CYP3A43: variants seen among roughly 807,000 people sequenced by gnomAD.
CYP3A43 encodes cytochrome P450 family 3 subfamily A member 43.
CYP3A43 carries 45 observed loss-of-function variants against 58.0 expected under a neutral mutation model. The ratio of observed to expected loss-of-function variants is 0.78; its 90% CI spans 0.61 to 0.99. The LOEUF (loss-of-function observed/expected upper bound fraction) is 0.99. Ranked by LOEUF, CYP3A43 falls within the 50% of genes least tolerant of loss-of-function variation. The probability of loss-of-function intolerance (pLI) is 0.00; values close to 1 mark genes in which losing one functional copy is unlikely to be tolerated. For missense variants in CYP3A43, 593 were observed against 591.9 expected (o/e 1.00, Z -0.02); for synonymous variants, 191 against 201.4 (o/e 0.95, Z 0.44).
At chr7:99,836,358 C>A (rs1817076496) in intron 1 of CYP3A43, 95 bp from the exon 2 acceptor site, 2 of 914,874 alleles carry the variant, frequency 2.2e-6, no homozygotes, top group East Asian at 2.5e-5. Context: ...TTACCTCCCT[C>A]CCTTGAACAT....
At chr7:99,852,646 T>C (rs1285041044) in intron 7 of CYP3A43, among the ~76,000 whole-genome samples, 1 of 152,218 alleles carries the variant, frequency 6.6e-6, no homozygotes, top group African/African-American at 2.4e-5. Flanking sequence ...TGACCTTCTA[T>C]CTTCAAATAT....
chr7:99,847,743 G>A, intron 5 of CYP3A43, 142 bp downstream of exon 5: 1 of 1,319,644 alleles, frequency 7.6e-7, no homozygotes. Context: ...TGGGCACAGT[G>A]GCTCATGCCT....
chr7:99,864,030 A>T (rs1313708863), intron 12 of CYP3A43, among the ~76,000 whole-genome samples: 1 of 148,732 alleles, frequency 6.7e-6, no homozygotes, highest in Non-Finnish European at 1.5e-5. Context: ...AAGTGCAATG[A>T]TTACTTTGTC....
chr7:99,859,881 C>A lies in CYP3A43; in HGVS notation c.917C>A (p.Ala306Asp), dbSNP rs954491097. The A allele has an allele frequency of 2.5e-6, 4 of 1,614,126 alleles. No individual in the cohort carries two copies. The highest frequency in any genetic ancestry group is 3.4e-6 in the Non-Finnish European group (4 of 1,180,032). ...CAGTCAATTATCATCATTTTTGCTG[C>A]CTATGACACAACTAGCACCACTCTC... ...VAQSIIIIFA[A>D]YDTTSTTLPF... Residue 306 changes from alanine to aspartate, a missense_variant, in exon 10 of 13, where the codon GCC becomes GAC. Transcript: ENST00000354829.
intron 4 of CYP3A43, among the ~76,000 whole-genome samples, chr7:99,845,621 C>G (rs896469928): frequency 3.3e-5 from 5 of 152,100 alleles, no homozygotes; most frequent in African/African-American, 1.2e-4. Context: ...CACACCTAAC[C>G]TGCGCATCTG....
intron 7 of CYP3A43, among the ~76,000 whole-genome samples, chr7:99,851,450 C>T (rs1817756467): frequency 6.7e-6 from 1 of 149,126 alleles, no homozygotes; most frequent in Non-Finnish European, 1.5e-5. Flanking sequence ...TCTCTACATT[C>T]TTGCCAACAC....
chr7:99,847,737 C>T, intron 5 of CYP3A43, 136 bp downstream of exon 5: 1 of 1,357,232 alleles, frequency 7.4e-7, no homozygotes. Flanking sequence ...TTCAGCTGGG[C>T]ACAGTGGCTC....
At chr7:99,863,358 G>A (rs1348739313) in intron 11 of CYP3A43, among the ~76,000 whole-genome samples, 179 bp from the exon 12 acceptor site, 1 of 152,048 alleles carries the variant, frequency 6.6e-6, no homozygotes, top group Non-Finnish European at 1.5e-5. Flanking sequence ...AATAAACATG[G>A]GTTTAACCTT....
At chr7:99,846,612 T>C (rs989926798) in intron 4 of CYP3A43, among the ~76,000 whole-genome samples, 2 of 152,220 alleles carry the variant, frequency 1.3e-5, no homozygotes, top group Non-Finnish European at 1.5e-5. Flanking sequence ...TCCAATATGA[T>C]GTTGAATAAG....
In CYP3A43 at chr7:99,848,258, A is replaced by C; in HGVS notation, c.521+4A>C. The C allele has an allele frequency of 6.2e-7, 1 of 1,613,976 alleles. No individual in the cohort carries two copies. ...GCAAGTCCATCAACTTGAAAGAGTA[A>C]GTAGCACAGTCTTGAGGTTCTGAGC... On this transcript the variant is annotated splice_donor_region_variant and intron_variant, in intron 6 of 12. Transcript: ENST00000354829.
Position 99,859,937 on chromosome 7 carries a change from C to G in CYP3A43, c.973C>G (p.Pro325Ala). The change falls in exon 10 of 13, where the codon CCT becomes GCT. Residue 325 changes from proline (P) to alanine (A), a missense_variant. Pro to Ala is a conservative substitution (Grantham distance 27). Transcript: ENST00000354829. ...CATTATGTATGAACTGGCCACTCAC[C>G]CTGATGTCCAGCAGAAACTGCAGGA... ...PFIMYELATH[P>A]DVQQKLQEEI... The G allele has an allele frequency of 6.2e-7, 1 of 1,613,352 alleles. No individual in the cohort carries two copies. Among genetic ancestry groups the G allele is most frequent in the Non-Finnish European group, 8.5e-7 (1 of 1,179,690 alleles).
At chr7:99,856,445 G>A (rs1817986125) in intron 8 of CYP3A43, among the ~76,000 whole-genome samples, 1 of 152,192 alleles carries the variant, frequency 6.6e-6, no homozygotes, top group Admixed American at 6.5e-5. Flanking sequence ...TAATCTATTT[G>A]TCCATTGGTT....
Position 99,830,902 on chromosome 7 carries a change from A to C in CYP3A43, c.71+2716A>C, listed in dbSNP as rs551667020. 8.6e-4 allele frequency among the ~76,000 whole-genome samples: 131 copies of C among 152,366 alleles called. 1 individual carries two copies. Among genetic ancestry groups the C allele is most frequent in the African/African-American group, 3.1e-3 (128 of 41,588 alleles). On this transcript the variant is annotated intron_variant, in intron 1 of 12. Coordinates refer to ENST00000354829, the MANE Select transcript of CYP3A43 (RefSeq NM_057095.3). ...ATGTTCTCTTGACCCTACAGATGTT[A>C]CACAGATCCGTTGAAGAAGTAAATA...
At chr7:99,839,492 A>T (rs764409004) in intron 3 of CYP3A43, 16 of 535,104 alleles carry the variant, frequency 3.0e-5, no homozygotes, top group Non-Finnish European at 5.3e-5. Flanking sequence ...TTTTCCCCAG[A>T]CAGATAGCTG....
intron 3 of CYP3A43, among the ~76,000 whole-genome samples, chr7:99,840,524 T>C (rs553672847): frequency 6.6e-6 from 1 of 152,342 alleles, no homozygotes; most frequent in East Asian, 1.9e-4. Flanking sequence ...GAATGCATAA[T>C]TGATTTTTTC....
At chr7:99,860,237 A>G (rs1818175775) in intron 10 of CYP3A43, among the ~76,000 whole-genome samples, 2 of 152,246 alleles carry the variant, frequency 1.3e-5, no homozygotes, top group Admixed American at 1.3e-4. Flanking sequence ...TAGCAACATA[A>G]CACCAAGTAA....
At position 99,861,851 on chromosome 7, in the gene CYP3A43, C is replaced by T. The variant is rs916690370; in HGVS notation, c.1253+12C>T. On this transcript the variant is annotated intron_variant, in intron 11 of 12. Transcript: ENST00000354829. ...TTCTGCCCTGAAAGGTACAAGGCCC[C>T]TGGGAAAGGAGCCTTCCCTCAACCA... 1.3e-6 allele frequency: 2 copies of T among 1,593,804 alleles called. No individual in the cohort carries two copies. The highest frequency in any genetic ancestry group is 1.7e-5 in the Admixed American group (1 of 59,488).
chr7:99,835,645 T>A (rs776851041), intron 1 of CYP3A43, among the ~76,000 whole-genome samples: 4 of 152,232 alleles, frequency 2.6e-5, no homozygotes, highest in African/African-American at 9.6e-5. Context: ...TCTGGTTGTA[T>A]GTGCAGGTTT....
chr7:99,847,410 C>G, intron 4 of CYP3A43, 78 bp from the exon 5 acceptor site: 2 of 1,430,348 alleles, frequency 1.4e-6, no homozygotes, highest in Non-Finnish European at 1.9e-6. Flanking sequence ...ATTCATGATG[C>G]CTGTTTAACA....
Sources: gnomAD v4.1 joint callset for allele counts (sites outside exome capture counted in the v4.1 genomes callset) on GRCh38, gnomAD v4.1.1 for gene constraint, MANE v1.5 for transcripts, NCBI Gene and HGNC (gene_info 2026-07-23, HGNC 2026-07-21) for gene names.